Variants in TMEM131 observed in about 807,000 individuals in gnomAD.
TMEM131 encodes 2610524E03Rik.
In TMEM131, 66 loss-of-function variants were observed where a neutral mutation model predicts 211.6. That is an observed-to-expected ratio of 0.31 (90% CI 0.26 to 0.38). TMEM131 has a LOEUF of 0.38. TMEM131 is among the 10% of genes least tolerant of loss of function. The pLI, the probability that TMEM131 is intolerant of heterozygous loss-of-function variation, is 1.00. For synonymous variants in TMEM131, 844 were observed against 841.3 expected (o/e 1.00, Z -0.06); for missense variants, 2,036 against 2,299.3 (o/e 0.89, Z 2.34).
chr2:97,896,802 CTTGT>C (rs748701205), intron 3 of TMEM131, among the ~76,000 whole-genome samples: 9 of 151,874 alleles, frequency 5.9e-5, no homozygotes, highest in African/African-American at 1.9e-4. Context: ...CTTTTTAAAA[CTTGT>C]TTGGTCTATT....
intron 1 of TMEM131, among the ~76,000 whole-genome samples, chr2:97,980,277 C>A (rs1410918009): frequency 6.6e-6 from 1 of 152,144 alleles, no homozygotes; most frequent in African/African-American, 2.4e-5. Context: ...AAAAATGGTG[C>A]TAATAGATTT....
intron 5 of TMEM131, among the ~76,000 whole-genome samples, chr2:97,856,953 A>G (rs1673874465): frequency 6.6e-6 from 1 of 152,232 alleles, no homozygotes; most frequent in African/African-American, 2.4e-5. Context: ...TAATTCCATC[A>G]TCTGACAGCA....
intron 1 of TMEM131, 32 bp from the exon 2 acceptor site, chr2:97,927,519 C>T: frequency 1.3e-6 from 2 of 1,505,508 alleles, no homozygotes; most frequent in Middle Eastern, 3.5e-4. Flanking sequence ...CCATCACTTA[C>T]AGGAACATAA....
chr2:97,931,009 GA>G (rs1436918311), intron 1 of TMEM131, among the ~76,000 whole-genome samples: 1 of 151,878 alleles, frequency 6.6e-6, no homozygotes, highest in Non-Finnish European at 1.5e-5. Context: ...AGTGGCTAGA[GA>G]AAAGTATGAA....
At chr2:97,955,830 T>A (rs974288681) in intron 1 of TMEM131, among the ~76,000 whole-genome samples, 1 of 152,128 alleles carries the variant, frequency 6.6e-6, no homozygotes, top group African/African-American at 2.4e-5. Context: ...AAATTTTAAA[T>A]GCTGATTAAA....
At chr2:97,913,509 C>T (rs185988943) in intron 2 of TMEM131, among the ~76,000 whole-genome samples, 29 of 152,284 alleles carry the variant, frequency 1.9e-4, no homozygotes, top group Admixed American at 1.7e-3. Flanking sequence ...TCAAATCCTT[C>T]GATCTGGTCT....
chr2:97,941,916 G>T (rs1002952186), intron 1 of TMEM131, among the ~76,000 whole-genome samples: 2 of 152,168 alleles, frequency 1.3e-5, no homozygotes, highest in Non-Finnish European at 2.9e-5. Flanking sequence ...AGACAGTGGG[G>T]CGATTCCTCA....
intron 25 of TMEM131, among the ~76,000 whole-genome samples, chr2:97,798,001 A>G (rs757970457): frequency 2.0e-5 from 3 of 151,824 alleles, no homozygotes; most frequent in Non-Finnish European, 4.4e-5. Context: ...CTGCCACGCC[A>G]CTCCTCCCCT....
chr2:97,995,378 AG>A, intron 1 of TMEM131, 97 bp downstream of exon 1: 2 of 1,194,662 alleles, frequency 1.7e-6, no homozygotes, highest in South Asian at 6.0e-5. Flanking sequence ...TTTGCGCCGG[AG>A]CCCCGGCCGC....
At chr2:97,761,842 T>C (rs1559341791) in intron 36 of TMEM131, 193 bp downstream of exon 36, 3 of 559,218 alleles carry the variant, frequency 5.4e-6, no homozygotes, top group Non-Finnish European at 9.1e-6. Context: ...GGGAACCGGG[T>C]TACTGTTGGA....
chr2:97,859,491 T>TA (rs1343361477), intron 4 of TMEM131, 64 bp from the exon 5 acceptor site: 20 of 1,366,196 alleles, frequency 1.5e-5, no homozygotes, highest in African/African-American at 3.0e-5. Flanking sequence ...TTCTAGTTGT[T>TA]AAAAAATTAA....
rs1172260370 is a variant in TMEM131, at chr2:97,943,027, A to AAAGAAAAG, written c.188-15541_188-15540insCTTTTCTT. ...GAAAAGAAAGAAAAGAAAAGAAAAG[A>AAAGAAAAG]AAAGAAAAGAAAAGAAAGAAAGAAA... On this transcript the variant is annotated intron_variant, in intron 1 of 40. Transcript: ENST00000186436. Among the ~76,000 whole-genome samples, 278 of 49,626 alleles carry AAAGAAAAG rather than the reference A, an allele frequency of 5.6e-3. 6 individuals carry two copies. The highest frequency in any genetic ancestry group is 0.019 in the African/African-American group (233 of 12,408). The allele number at this position is 49,626 out of a possible 152,430, so 32.6% of individuals were successfully genotyped here.
At chr2:97,820,346 C>T (rs1682051642) in intron 11 of TMEM131, among the ~76,000 whole-genome samples, 1 of 152,102 alleles carries the variant, frequency 6.6e-6, no homozygotes, top group African/African-American at 2.4e-5. Context: ...AATAATAAAA[C>T]AAAGTAGAGT....
At chr2:97,834,160 T>G (rs888462466) in intron 10 of TMEM131, among the ~76,000 whole-genome samples, 1 of 152,200 alleles carries the variant, frequency 6.6e-6, no homozygotes, top group Non-Finnish European at 1.5e-5. Flanking sequence ...GTGCTCTTAG[T>G]TTTTCCTTAG....
At chr2:97,937,621 T>C (rs1371908045) in intron 1 of TMEM131, among the ~76,000 whole-genome samples, 1 of 151,926 alleles carries the variant, frequency 6.6e-6, no homozygotes, top group Non-Finnish European at 1.5e-5. Context: ...AAAAAGACAT[T>C]TAATAATAAT....
intron 34 of TMEM131, 26 bp downstream of exon 34, chr2:97,766,452 G>A: frequency 6.2e-7 from 1 of 1,613,794 alleles, no homozygotes; most frequent in Non-Finnish European, 8.5e-7. Context: ...CGTAAGACAT[G>A]ATCATAGAGA....
In TMEM131 at chr2:97,796,715, C is replaced by T; in HGVS notation, c.3013+129G>A. 5 of 951,378 alleles carry T rather than the reference C, an allele frequency of 5.3e-6. No individual in the cohort carries two copies. In the South Asian group the frequency reaches 8.8e-5, roughly 17 times the overall value. The allele number at this position is 951,378 out of a possible 1,614,324, so 58.9% of individuals were successfully genotyped here. ...AACTCTAAACACAACATGGAATTTC[C>T]TTAAGCTCTTAAGCATTCATAACTA... On this transcript the variant is annotated intron_variant, in intron 27 of 40. Coordinates refer to ENST00000186436, the MANE Select transcript of TMEM131 (RefSeq NM_015348.2).
intron 2 of TMEM131, among the ~76,000 whole-genome samples, chr2:97,926,227 G>A (rs1676986550): frequency 6.6e-6 from 1 of 152,092 alleles, no homozygotes; most frequent in Non-Finnish European, 1.5e-5. Context: ...AAACAAGGTT[G>A]TTGCTTTGAC....
Position 97,757,011 on chromosome 2 carries a change from G to A in TMEM131, c.*88C>T, listed in dbSNP as rs534028722. ...GAAGAGGAGGGTGGGGAGGGGAGCT[G>A]CAGTAAGAGCCTTAAAAAGATGTCT... On this transcript the variant is annotated 3_prime_UTR_variant, in exon 41 of 41. Transcript: ENST00000186436. 594 of 1,436,138 alleles carry A rather than the reference G, an allele frequency of 4.1e-4. 2 individuals carry two copies. Among genetic ancestry groups the A allele is most frequent in the Middle Eastern group, 1.6e-3 (9 of 5,482 alleles). The allele number at this position is 1,436,138 out of a possible 1,614,324, so 89.0% of individuals were successfully genotyped here.
Sources: gnomAD v4.1 joint callset for allele counts (sites outside exome capture counted in the v4.1 genomes callset) on GRCh38, gnomAD v4.1.1 for gene constraint, MANE v1.5 for transcripts, NCBI Gene and HGNC (gene_info 2026-07-23, HGNC 2026-07-21) for gene names.